Variants in OR10K1 observed in about 807,000 individuals in gnomAD.
OR10K1 encodes the protein olfactory receptor family 10 subfamily K member 1, also known as olfactory receptor 10K1.
For synonymous variants in OR10K1, 186 were observed against 152.5 expected, an observed-to-expected ratio of 1.22 and a Z score of -1.62; for missense variants, 404 against 373.3, an observed-to-expected ratio of 1.08 and a Z score of -0.68.
rs1406469032 is a variant in OR10K1, at chr1:158,465,614, C to T, written c.53C>T (p.Ser18Leu). 1 of 1,614,124 alleles carries T rather than the reference C, an allele frequency of 6.2e-7. No individual in the cohort carries two copies. The highest frequency in any genetic ancestry group is 1.1e-5 in the South Asian group (1 of 91,084). Residue 18 changes from serine (S) to leucine (L), a missense_variant, in exon 2 of 2, where the codon TCA becomes TTA. Transcript: ENST00000641535. ...AGAGAGTTCGTCGTCCTCGGCTTCT[C>T]ATCCCTGGCCAGGCTGCAGCAGCTG... ...VVREFVVLGF[S>L]SLARLQQLLF... is the part of the protein sequence containing the mutation.
chr1:158,466,072 T>C lies in OR10K1; in HGVS notation c.511T>C (p.Ser171Pro). The C allele has an allele frequency of 6.2e-7, 1 of 1,614,068 alleles. No homozygotes were observed. The highest frequency in any genetic ancestry group is 1.1e-5 in the South Asian group (1 of 91,080). The change falls in exon 2 of 2, where the codon TCC becomes CCC. Residue 171 changes from serine (S) to proline (P), a missense_variant. By Grantham distance (74) the Ser-to-Pro change is moderately conservative. Transcript: ENST00000641535. ...AGTATTTCATCTGCCCTTCCACTCC[T>C]CCAACCAGCTCCATCACTTCTTCTG... ...SLVFHLPFHS[S>P]NQLHHFFCDI...
Position 158,465,640 on chromosome 1 carries a change from C to T in OR10K1, c.79C>T (p.Leu27Phe). 2 of 1,614,098 alleles carry T rather than the reference C, an allele frequency of 1.2e-6. No homozygotes were observed. Among genetic ancestry groups the T allele is most frequent in the Non-Finnish European group, 1.7e-6 (2 of 1,179,998 alleles). The change falls in exon 2 of 2, where the codon CTC becomes TTC. Residue 27 changes from leucine to phenylalanine, a missense_variant. Leu to Phe is a conservative substitution (Grantham distance 22, BLOSUM62 0). Transcript: ENST00000641535. ...FSSLARLQQLLFVIFLLLYLF... is the reference protein window; with the variant it reads ...FSSLARLQQLFFVIFLLLYLF... ...ATCCCTGGCCAGGCTGCAGCAGCTG[C>T]TCTTTGTTATCTTCCTGCTCCTCTA...
chr1:158,466,238 T>TA lies in OR10K1; in HGVS notation c.682dup (p.Ile228AsnfsTer38). The stretch of plus-strand genomic sequence containing the variant: ...TACATCCGCATCATCTCTGCCATTC[T>TA]AAAAATCCCTTCCTCCGTTGGAAGA... On this transcript the variant is annotated frameshift_variant, in exon 2 of 2. Transcript: ENST00000641535. LOFTEE classifies it low-confidence loss of function (END_TRUNC). 3.1e-6 allele frequency: 5 copies of TA among 1,614,180 alleles called. No individual in the cohort carries two copies. The highest frequency in any genetic ancestry group is 4.2e-6 in the Non-Finnish European group (5 of 1,180,022).
At chr1:158,464,615 T>A (rs1223208997) in intron 1 of OR10K1, among the ~76,000 whole-genome samples, 1 of 152,156 alleles carries the variant, frequency 6.6e-6, no homozygotes, top group Non-Finnish European at 1.5e-5. Context: ...TTTTTCTTTA[T>A]ACTAATGCAC....
At position 158,465,954 on chromosome 1, in the gene OR10K1, C is replaced by G; in HGVS notation, c.393C>G (p.Arg131=). 1 of 1,614,198 alleles carries G rather than the reference C, an allele frequency of 6.2e-7. No individual in the cohort carries two copies. ...DRYMAICNPL[R]YSVLMGHGVC... The stretch of plus-strand genomic sequence containing the variant: ...ATATGGCCATCTGTAACCCACTGCG[C>G]TACTCAGTGCTCATGGGACATGGGG... The change falls in exon 2 of 2, where the codon CGC becomes CGG. Residue 131 remains arginine (R), a synonymous_variant. Coordinates refer to ENST00000641535, the MANE Select transcript of OR10K1 (RefSeq NM_001004473.2).
chr1:158,462,819 C>A (rs559313949), intron 1 of OR10K1, among the ~76,000 whole-genome samples: 2 of 152,234 alleles, frequency 1.3e-5, no homozygotes, highest in East Asian at 3.9e-4. Flanking sequence ...TATTTAAATC[C>A]AGATTACATA....
chr1:158,466,947 G>A lies in OR10K1; in HGVS notation c.*444G>A, dbSNP rs1656056361. On this transcript the variant is annotated 3_prime_UTR_variant, in exon 2 of 2. Coordinates refer to ENST00000641535, the MANE Select transcript of OR10K1 (RefSeq NM_001004473.2). Reference sequence around the variant, plus strand: ...TACTTTTCTTTTCCTAAAGACAACAGAAAACTTTGGTCCCACACATTCTGC... The same window carrying A: ...TACTTTTCTTTTCCTAAAGACAACAAAAAACTTTGGTCCCACACATTCTGC... The A allele has an allele frequency of 6.5e-6, 1 of 152,808 alleles. No homozygotes were observed. Among genetic ancestry groups the A allele is most frequent in the Non-Finnish European group, 1.4e-5 (1 of 69,070 alleles). The allele number at this position is 152,808 out of a possible 1,614,324, so 9.5% of individuals were successfully genotyped here.
At chr1:158,465,166 C>A (rs74121870) in intron 1 of OR10K1, among the ~76,000 whole-genome samples, 1 of 152,062 alleles carries the variant, frequency 6.6e-6, no homozygotes, top group Non-Finnish European at 1.5e-5. Context: ...TTCATTCTTT[C>A]GTTCTATATT....
In OR10K1 at chr1:158,466,263, A is replaced by T; in HGVS notation, c.702A>T (p.Arg234Ser). Residue 234 changes from arginine to serine, a missense_variant, in exon 2 of 2, where the codon AGA (arginine) becomes AGT (serine). By Grantham distance (110) the Arg-to-Ser change is moderately radical. Transcript: ENST00000641535. ...TAAAAATCCCTTCCTCCGTTGGAAGATACAAGACCTTCTCCACCTGTGCCT... is the reference window on the plus strand; with the variant it reads ...TAAAAATCCCTTCCTCCGTTGGAAGTTACAAGACCTTCTCCACCTGTGCCT... The part of the protein sequence containing the change: ...AILKIPSSVG[R>S]YKTFSTCASH... 3.1e-6 allele frequency: 5 copies of T among 1,614,128 alleles called. No homozygotes were observed. The highest frequency in any genetic ancestry group is 4.2e-6 in the Non-Finnish European group (5 of 1,179,984).
Position 158,465,591 on chromosome 1 carries a change from A to G in OR10K1, c.30A>G (p.Arg10=). 6.2e-7 allele frequency: 1 copy of G among 1,614,024 alleles called. No homozygotes were observed. Among genetic ancestry groups the G allele is most frequent in the African/African-American group, 1.3e-5 (1 of 75,014 alleles). MEQVNKTVV[R]EFVVLGFSSL... ...AGCAAGTCAATAAGACTGTGGTGAG[A>G]GAGTTCGTCGTCCTCGGCTTCTCAT... Residue 10 remains arginine (R), a synonymous_variant, in exon 2 of 2, where the codon AGA becomes AGG. Transcript: ENST00000641535.
Position 158,466,350 on chromosome 1 carries a change from G to T in OR10K1, c.789G>T (p.Lys263Asn). 6.2e-7 allele frequency: 1 copy of T among 1,613,972 alleles called. No individual in the cohort carries two copies. Among genetic ancestry groups the T allele is most frequent in the Non-Finnish European group, 8.5e-7 (1 of 1,179,992 alleles). Residue 263 changes from lysine to asparagine, a missense_variant, in exon 2 of 2, where the codon AAG (lysine) becomes AAT (asparagine). Coordinates refer to ENST00000641535, the MANE Select transcript of OR10K1 (RefSeq NM_001004473.2). The stretch of plus-strand genomic sequence containing the variant: ...CCTCTTTCATCTACTTAAGGCCCAA[G>T]ACTAATTACACTTCAAGCCAAGACA... ...SCASFIYLRPKTNYTSSQDTL... is the reference protein window; with the variant it reads ...SCASFIYLRPNTNYTSSQDTL...
At chr1:158,462,971 G>T (rs531153729) in intron 1 of OR10K1, among the ~76,000 whole-genome samples, 5 of 152,126 alleles carry the variant, frequency 3.3e-5, no homozygotes, top group Admixed American at 3.3e-4. Flanking sequence ...GAGAGTCTTT[G>T]ATTCTCTGAG....
At chr1:158,463,371 A>G (rs1414055704) in intron 1 of OR10K1, among the ~76,000 whole-genome samples, 2 of 152,202 alleles carry the variant, frequency 1.3e-5, no homozygotes, top group Non-Finnish European at 2.9e-5. Context: ...CAGATGCACC[A>G]TGGAGCTGAA....
chr1:158,466,177 G>C lies in OR10K1; in HGVS notation c.616G>C (p.Ala206Pro). The change falls in exon 2 of 2, where the codon GCC becomes CCC. Residue 206 changes from alanine (A) to proline (P), a missense_variant. Transcript: ENST00000641535. ...QLVIFMLGVFALVIPLLLILV... is the reference protein window; with the variant it reads ...QLVIFMLGVFPLVIPLLLILV... ...GGTCATATTCATGCTTGGTGTATTT[G>C]CCTTGGTCATTCCTCTGCTACTTAT... is the stretch of plus-strand genomic sequence containing the variant. 1 of 1,614,098 alleles carries C rather than the reference G, an allele frequency of 6.2e-7. No individual in the cohort carries two copies. The highest frequency in any genetic ancestry group is 8.5e-7 in the Non-Finnish European group (1 of 1,180,008).
rs780029676 is a variant in OR10K1, at chr1:158,465,947, C to T, written c.386C>T (p.Pro129Leu). 2 of 1,614,136 alleles carry T rather than the reference C, an allele frequency of 1.2e-6. No homozygotes were observed. Among genetic ancestry groups the T allele is most frequent in the African/African-American group, 2.7e-5 (2 of 75,026 alleles). Residue 129 changes from proline to leucine, a missense_variant, in exon 2 of 2, where the codon CCA (proline) becomes CTA (leucine). Transcript: ENST00000641535. ...GATCGCTATATGGCCATCTGTAACCCACTGCGCTACTCAGTGCTCATGGGA... is the reference window on the plus strand; with the variant it reads ...GATCGCTATATGGCCATCTGTAACCTACTGCGCTACTCAGTGCTCATGGGA... ...GYDRYMAICN[P>L]LRYSVLMGHG...
chr1:158,466,499 G>C lies in OR10K1; in HGVS notation c.938G>C (p.Ser313Thr), dbSNP rs1656046913. 2 of 1,603,946 alleles carry C rather than the reference G, an allele frequency of 1.2e-6. No individual in the cohort carries two copies. Among genetic ancestry groups the C allele is most frequent in the Non-Finnish European group, 1.7e-6 (2 of 1,173,296 alleles). Residue 313 changes from serine to threonine, a missense_variant, in exon 2 of 2, where the codon AGT (serine) becomes ACT (threonine). Transcript: ENST00000641535. ...RTIGQTFYPL[S>T] ...ATCGGCCAAACTTTCTATCCTCTTA[G>C]TTAAAGAGCTATTTTTTAAACTACT...
In OR10K1 at chr1:158,466,936, T is replaced by G. The variant is rs1302980974; in HGVS notation, c.*433T>G. 4 of 154,082 alleles carry G rather than the reference T, an allele frequency of 2.6e-5. No individual in the cohort carries two copies. In the East Asian group the frequency reaches 7.7e-4, roughly 30 times the overall value. 9.5% of individuals were successfully genotyped at this position (154,082 alleles called of 1,614,324 possible). On this transcript the variant is annotated 3_prime_UTR_variant, in exon 2 of 2. Coordinates refer to ENST00000641535, the MANE Select transcript of OR10K1 (RefSeq NM_001004473.2). ...CCATCTATCCGTACTTTTCTTTTCC[T>G]AAAGACAACAGAAAACTTTGGTCCC...
Position 158,465,738 on chromosome 1 carries a change from G to A in OR10K1, c.177G>A (p.Met59Ile). Residue 59 changes from methionine to isoleucine, a missense_variant, in exon 2 of 2, where the codon ATG becomes ATA. Physicochemically the swap from Met to Ile is conservative, Grantham distance 10 (BLOSUM62 1). Coordinates refer to ENST00000641535, the MANE Select transcript of OR10K1 (RefSeq NM_001004473.2). ...IVLDRALHTPMYFFLAILSCS... is the reference protein window; with the variant it reads ...IVLDRALHTPIYFFLAILSCS... Reference sequence around the variant, plus strand: ...TGGACAGAGCCCTTCATACTCCCATGTACTTCTTCCTTGCCATCCTTTCTT... The same window carrying A: ...TGGACAGAGCCCTTCATACTCCCATATACTTCTTCCTTGCCATCCTTTCTT... 6.2e-7 allele frequency: 1 copy of A among 1,614,148 alleles called. No homozygotes were observed. Among genetic ancestry groups the A allele is most frequent in the Non-Finnish European group, 8.5e-7 (1 of 1,180,018 alleles).
In OR10K1 at chr1:158,466,883, GA is replaced by G. The variant is rs914097160; in HGVS notation, c.*390del. The G allele has an allele frequency of 5.1e-4, 72 of 140,412 alleles. No homozygotes were observed. The highest frequency in any genetic ancestry group is 1.3e-3 in the African/African-American group (49 of 37,048). The allele number at this position is 140,412 out of a possible 1,614,324, so 8.7% of individuals were successfully genotyped here. ...CAAAAAAAAAAAAAGAAAGAAAAAA[GA>G]AAAAAAAAAGGAAAACAGCAGGAAA... On this transcript the variant is annotated 3_prime_UTR_variant, in exon 2 of 2. Transcript: ENST00000641535.
Sources: allele counts gnomAD v4.1 joint callset (sites outside exome capture counted in the v4.1 genomes callset), GRCh38; gene constraint gnomAD v4.1.1; transcripts MANE v1.5; gene names NCBI Gene and HGNC (gene_info 2026-07-23, HGNC 2026-07-21).